Variants in CTNNA3 observed in about 807,000 individuals in gnomAD.
CTNNA3 encodes catenin alpha-3.
Under a neutral mutation model 95.7 loss-of-function variants are expected in CTNNA3, and 76 were observed. The ratio of observed to expected loss-of-function variants is 0.79; its 90% CI spans 0.66 to 0.96. CTNNA3 has a LOEUF of 0.96. Among genes scored for constraint, CTNNA3 ranks in the 40% least tolerant of loss-of-function variants. CTNNA3 has a pLI of 0.00. For missense variants in CTNNA3, 1,191 were observed against 1,089.8 expected, an observed-to-expected ratio of 1.09 and a Z score of -1.31; for synonymous variants, 431 against 374.4, an observed-to-expected ratio of 1.15 and a Z score of -1.74.
At chr10:67,152,842 A>C (rs548539233) in intron 7 of CTNNA3, among the ~76,000 whole-genome samples, 1 of 152,312 alleles carries the variant, frequency 6.6e-6, no homozygotes, top group South Asian at 2.1e-4. Flanking sequence ...TTTTTTATAA[A>C]TTGAAGACAA....
intron 5 of CTNNA3, among the ~76,000 whole-genome samples, chr10:67,343,383 A>G (rs1816397190): frequency 6.6e-6 from 1 of 152,218 alleles, no homozygotes; most frequent in Non-Finnish European, 1.5e-5. Context: ...TTTCCAATCC[A>G]TGAACATGGA....
rs2077010030 is a variant in CTNNA3, at chr10:65,916,523, G to C, written c.*3807C>G. 6.6e-6 allele frequency: 1 copy of C among 152,066 alleles called. No individual in the cohort carries two copies. Among genetic ancestry groups the C allele is most frequent in the Non-Finnish European group, 1.5e-5 (1 of 68,016 alleles). 9.4% of individuals were successfully genotyped at this position (152,066 alleles called of 1,614,324 possible). A position where few individuals can be genotyped will look rare whatever the true frequency, so the allele number is the denominator to read the frequency against. ...CACTATACAAAAATCTGTAGCCATGGGAACCACAATCTCTAGGACAGAAAT... is the reference window on the plus strand; with the variant it reads ...CACTATACAAAAATCTGTAGCCATGCGAACCACAATCTCTAGGACAGAAAT... On this transcript the variant is annotated 3_prime_UTR_variant, in exon 18 of 18. Coordinates refer to ENST00000433211, the MANE Select transcript of CTNNA3 (RefSeq NM_013266.4).
chr10:67,018,708 C>A (rs187866098), intron 7 of CTNNA3, among the ~76,000 whole-genome samples: 43 of 152,258 alleles, frequency 2.8e-4, no homozygotes, highest in African/African-American at 1.0e-3. Flanking sequence ...TCAGTTTCCT[C>A]ATATGCAAAA....
In CTNNA3 at chr10:66,445,274, G is replaced by T. The variant is rs572758658; in HGVS notation, c.1532-65922C>A. ...ATTAGACAGATTAACGAGACAGAAA[G>T]TTAACAAGGATACCCAGGAATTGAA... On this transcript the variant is annotated intron_variant, in intron 11 of 17. Coordinates refer to ENST00000433211, the MANE Select transcript of CTNNA3 (RefSeq NM_013266.4). Among the ~76,000 whole-genome samples, 879 of 152,008 alleles carry T rather than the reference G, an allele frequency of 5.8e-3. 7 individuals are homozygous for T. Among genetic ancestry groups the T allele is most frequent in the Non-Finnish European group, 8.9e-3 (602 of 67,970 alleles).
chr10:66,296,499 T>G (rs1424466513), intron 12 of CTNNA3, among the ~76,000 whole-genome samples: 1 of 152,050 alleles, frequency 6.6e-6, no homozygotes, highest in African/African-American at 2.4e-5. Flanking sequence ...AAGTGTGTTT[T>G]AAAAATAGCC....
At chr10:66,753,057 A>G (rs750031391) in intron 9 of CTNNA3, among the ~76,000 whole-genome samples, 13 of 152,140 alleles carry the variant, frequency 8.5e-5, no homozygotes, top group Non-Finnish European at 1.8e-4. Context: ...ATCATAGGCT[A>G]TGAGGCCCAT....
chr10:67,095,679 T>C (rs1323717212), intron 7 of CTNNA3, among the ~76,000 whole-genome samples: 1 of 151,968 alleles, frequency 6.6e-6, no homozygotes, highest in East Asian at 1.9e-4. Context: ...GAAATGATTC[T>C]GCATATATGA....
At chr10:66,247,378 G>A (rs1214566819) in intron 13 of CTNNA3, among the ~76,000 whole-genome samples, 3 of 152,130 alleles carry the variant, frequency 2.0e-5, no homozygotes, top group South Asian at 2.1e-4. Context: ...ATCCTGAAGA[G>A]AAGGACACAA....
intron 10 of CTNNA3, among the ~76,000 whole-genome samples, chr10:66,599,036 T>C (rs1051071917): frequency 1.3e-5 from 2 of 151,690 alleles, no homozygotes. Context: ...GGTACTGGCA[T>C]AAAAACAGAC....
intron 10 of CTNNA3, among the ~76,000 whole-genome samples, chr10:66,574,271 G>C (rs1842944648): frequency 6.6e-6 from 1 of 151,934 alleles, no homozygotes; most frequent in Admixed American, 6.6e-5. Flanking sequence ...GACAATAAAT[G>C]GCACAGGCAA....
At chr10:66,222,311 G>C (rs2088976968) in intron 13 of CTNNA3, among the ~76,000 whole-genome samples, 2 of 152,082 alleles carry the variant, frequency 1.3e-5, no homozygotes, top group African/African-American at 4.8e-5. Flanking sequence ...TTACTACTCT[G>C]TATTTGATAA....
At chr10:66,139,776 A>AG (rs543708267) in intron 13 of CTNNA3, among the ~76,000 whole-genome samples, 219 of 152,322 alleles carry the variant, frequency 1.4e-3, no homozygotes, top group Admixed American at 2.7e-3. Flanking sequence ...TCAGGCAGAC[A>AG]GGCCTGTAGT....
intron 9 of CTNNA3, among the ~76,000 whole-genome samples, chr10:66,717,233 T>C (rs748507615): frequency 2.1e-4 from 32 of 152,098 alleles, no homozygotes; most frequent in Admixed American, 6.6e-4. Flanking sequence ...GCCCCCGCCA[T>C]GTAAGCCAAT....
At chr10:66,518,791 G>A (rs1371262367) in intron 11 of CTNNA3, among the ~76,000 whole-genome samples, 2 of 151,974 alleles carry the variant, frequency 1.3e-5, no homozygotes, top group East Asian at 3.9e-4. Flanking sequence ...TATTATTCCT[G>A]AGTAGTGGAA....
chr10:66,214,644 T>C (rs2088395430), intron 13 of CTNNA3, among the ~76,000 whole-genome samples: 1 of 151,974 alleles, frequency 6.6e-6, no homozygotes, highest in Non-Finnish European at 1.5e-5. Flanking sequence ...AAAAAATATA[T>C]ATTATATTTA....
At chr10:67,417,097 T>C (rs1259436409) in intron 5 of CTNNA3, among the ~76,000 whole-genome samples, 2 of 152,068 alleles carry the variant, frequency 1.3e-5, no homozygotes, top group Admixed American at 6.5e-5. Flanking sequence ...ATATACACCA[T>C]GGAATACTGT....
intron 13 of CTNNA3, among the ~76,000 whole-genome samples, chr10:66,132,036 C>G (rs1456050549): frequency 6.6e-6 from 1 of 152,004 alleles, no homozygotes; most frequent in Non-Finnish European, 1.5e-5. Flanking sequence ...GCAACAAAAG[C>G]AAAAATTGAC....
chr10:66,271,294 T>C (rs2091275086), intron 13 of CTNNA3, among the ~76,000 whole-genome samples: 1 of 152,204 alleles, frequency 6.6e-6, no homozygotes, highest in Non-Finnish European at 1.5e-5. Context: ...ATTTTATAAG[T>C]TGTATTCCCA....
At chr10:66,344,763 G>A (rs1166859234) in intron 12 of CTNNA3, among the ~76,000 whole-genome samples, 1 of 151,978 alleles carries the variant, frequency 6.6e-6, no homozygotes, top group Admixed American at 6.6e-5. Context: ...ACTGACCAAT[G>A]GTACTGGCAA....
Sources: gnomAD v4.1 joint callset for allele counts (sites outside exome capture counted in the v4.1 genomes callset) on GRCh38, gnomAD v4.1.1 for gene constraint, MANE v1.5 for transcripts, NCBI Gene and HGNC (gene_info 2026-07-23, HGNC 2026-07-21) for gene names.